The following PRKAR2B variants were observed in gnomAD, a reference collection of about 807,000 sequenced individuals.
PRKAR2B encodes cAMP-dependent protein kinase type II-beta regulatory subunit.
A neutral mutation model predicts 49.9 loss-of-function variants in PRKAR2B; 14 were observed. That is an observed-to-expected ratio of 0.28 (90% CI 0.19 to 0.44). The LOEUF is 0.44. PRKAR2B is among the 20% of genes least tolerant of loss of function. PRKAR2B has a pLI of 1.00. For missense variants in PRKAR2B, 393 were observed against 537.9 expected, an observed-to-expected ratio of 0.73 and a Z score of 2.67; for synonymous variants, 196 against 197.7, an observed-to-expected ratio of 0.99 and a Z score of 0.07.
At chr7:107,052,140 G>C (rs948071089) in intron 1 of PRKAR2B, among the ~76,000 whole-genome samples, 1 of 152,038 alleles carries the variant, frequency 6.6e-6, no homozygotes, top group East Asian at 1.9e-4. Flanking sequence ...CTTTTAGGCC[G>C]GGCACGGTGG....
chr7:107,138,821 C>T (rs989374562), intron 4 of PRKAR2B, among the ~76,000 whole-genome samples: 4 of 152,052 alleles, frequency 2.6e-5, no homozygotes, highest in Admixed American at 6.6e-5. Context: ...GTAGCTGAGA[C>T]GACAAGTGTG....
In PRKAR2B at chr7:107,065,322, A is replaced by ATGTGTG. The variant is rs71134248; in HGVS notation, c.308-4909_308-4904dup. Among the ~76,000 whole-genome samples the ATGTGTG allele has an allele frequency of 2.6e-3, 381 of 143,882 alleles. 1 individual carries two copies. Among genetic ancestry groups the ATGTGTG allele is most frequent in the East Asian group, 4.8e-3 (23 of 4,778 alleles). 94.4% of individuals were successfully genotyped at this position (143,882 alleles called of 152,430 possible). On this transcript the variant is annotated intron_variant, in intron 1 of 10. Transcript: ENST00000265717. ...ATTTTTGTTTGCTCGGGGTGTGTGT[A>ATGTGTG]TGTGTGTGTGTGTGTGTGTGTGTGT... is the stretch of plus-strand genomic sequence containing the variant.
intron 1 of PRKAR2B, among the ~76,000 whole-genome samples, chr7:107,062,100 C>T (rs1423288148): frequency 6.6e-6 from 1 of 152,086 alleles, no homozygotes; most frequent in Non-Finnish European, 1.5e-5. Flanking sequence ...GTGATATAAA[C>T]ACTTAGGAAA....
chr7:107,159,619 T>G lies in PRKAR2B; in HGVS notation c.*37T>G. ...GGAGCAAGACCTGTAGTGACAAAAT[T>G]ACACAGTAGTGGTTAGTCCACTGAG... is the stretch of plus-strand genomic sequence containing the variant. On this transcript the variant is annotated 3_prime_UTR_variant, in exon 11 of 11. Coordinates refer to ENST00000265717, the MANE Select transcript of PRKAR2B (RefSeq NM_002736.3). The G allele has an allele frequency of 6.2e-7, 1 of 1,609,058 alleles. No homozygotes were observed. The highest frequency in any genetic ancestry group is 1.3e-5 in the African/African-American group (1 of 74,942).
At chr7:107,109,403 G>A (rs988058453) in intron 2 of PRKAR2B, among the ~76,000 whole-genome samples, 1 of 150,286 alleles carries the variant, frequency 6.7e-6, no homozygotes, top group South Asian at 2.1e-4. Context: ...GGGACTACAG[G>A]CAGGCACCAC....
intron 6 of PRKAR2B, among the ~76,000 whole-genome samples, chr7:107,148,037 C>G (rs1188759639): frequency 6.6e-6 from 1 of 152,114 alleles, no homozygotes; most frequent in Non-Finnish European, 1.5e-5. Flanking sequence ...TGATGAGTCA[C>G]TTTTTTAAGG....
At chr7:107,057,985 C>T (rs1355330998) in intron 1 of PRKAR2B, among the ~76,000 whole-genome samples, 5 of 151,320 alleles carry the variant, frequency 3.3e-5, no homozygotes, top group African/African-American at 1.2e-4. Flanking sequence ...TTTTTAAAAA[C>T]TTGCAGTTCT....
chr7:107,126,986 A>G (rs1226481117), intron 3 of PRKAR2B, among the ~76,000 whole-genome samples: 1 of 152,236 alleles, frequency 6.6e-6, no homozygotes, highest in Non-Finnish European at 1.5e-5. Flanking sequence ...TAGTCTTTAC[A>G]TAATGCAAAT....
intron 1 of PRKAR2B, among the ~76,000 whole-genome samples, chr7:107,058,636 C>A (rs1305158596): frequency 6.6e-6 from 1 of 152,124 alleles, no homozygotes; most frequent in Non-Finnish European, 1.5e-5. Context: ...ACTTTTGATG[C>A]ATAATAATTC....
At chr7:107,059,024 G>A (rs866852171) in intron 1 of PRKAR2B, among the ~76,000 whole-genome samples, 1 of 152,052 alleles carries the variant, frequency 6.6e-6, no homozygotes, top group Non-Finnish European at 1.5e-5. Flanking sequence ...GGTGGCTCAC[G>A]CCTGTATTCC....
intron 1 of PRKAR2B, among the ~76,000 whole-genome samples, chr7:107,063,034 C>T (rs1794057107): frequency 6.6e-6 from 1 of 152,068 alleles, no homozygotes; most frequent in Non-Finnish European, 1.5e-5. Context: ...AACTGTGTCT[C>T]ACTCTGTCAC....
At chr7:107,110,483 T>G (rs1795150720) in intron 2 of PRKAR2B, among the ~76,000 whole-genome samples, 1 of 151,790 alleles carries the variant, frequency 6.6e-6, no homozygotes, top group South Asian at 2.1e-4. Flanking sequence ...GCTTCATAGC[T>G]TGCAGCTCCA....
At chr7:107,122,319 A>G (rs1179094225) in intron 3 of PRKAR2B, among the ~76,000 whole-genome samples, 1 of 152,204 alleles carries the variant, frequency 6.6e-6, no homozygotes, top group Non-Finnish European at 1.5e-5. Context: ...ACTGGGAAAG[A>G]CCTTCTACGC....
chr7:107,115,604 A>T (rs1562861773), intron 2 of PRKAR2B, among the ~76,000 whole-genome samples: 1 of 152,178 alleles, frequency 6.6e-6, no homozygotes, highest in Non-Finnish European at 1.5e-5. Flanking sequence ...ACCTATTTTT[A>T]TGTAAATGGT....
At position 107,044,813 on chromosome 7, in the gene PRKAR2B, G is replaced by A. The variant is rs1793655348; in HGVS notation, c.-95G>A. 4 of 1,037,044 alleles carry A rather than the reference G, an allele frequency of 3.9e-6. No homozygotes were observed. The South Asian group carries it at 1.5e-4, about 38-fold the overall frequency. The allele number at this position is 1,037,044 out of a possible 1,614,324, so 64.2% of individuals were successfully genotyped here. A position where few individuals can be genotyped will look rare whatever the true frequency, so the allele number is the denominator to read the frequency against. ...CGCGCTCGCAGCCGGTAGCGCGCCA[G>A]CGCCGTAGGCGCTCGCTCGGCAGCC... On this transcript the variant is annotated 5_prime_UTR_variant, in exon 1 of 11. Transcript: ENST00000265717.
chr7:107,161,147 C>T lies in PRKAR2B; in HGVS notation c.*1565C>T, dbSNP rs1157866221. On this transcript the variant is annotated 3_prime_UTR_variant, in exon 11 of 11. Coordinates refer to ENST00000265717, the MANE Select transcript of PRKAR2B (RefSeq NM_002736.3). ...AGTTAAAGTATGTAAAGTATAACTT[C>T]AGCCACATTTTTAGAACACTGTTTA... 3 of 152,158 alleles carry T rather than the reference C, an allele frequency of 2.0e-5. No homozygotes were observed. The highest frequency in any genetic ancestry group is 7.2e-5 in the African/African-American group (3 of 41,432). 9.4% of individuals were successfully genotyped at this position (152,158 alleles called of 1,614,324 possible). A position where few individuals can be genotyped will look rare whatever the true frequency, so the allele number is the denominator to read the frequency against.
At chr7:107,071,407 C>T (rs1362192433) in intron 2 of PRKAR2B, among the ~76,000 whole-genome samples, 3 of 152,176 alleles carry the variant, frequency 2.0e-5, no homozygotes, top group Admixed American at 6.5e-5. Flanking sequence ...ATAACATCTA[C>T]TTTATCATTC....
At chr7:107,075,024 ATTTTC>A (rs1463309817) in intron 2 of PRKAR2B, among the ~76,000 whole-genome samples, 2 of 150,880 alleles carry the variant, frequency 1.3e-5, no homozygotes, top group Non-Finnish European at 3.0e-5. Flanking sequence ...AATTTTATTT[ATTTTC>A]TTTTCTTTCA....
chr7:107,046,634 A>T (rs1017517494), intron 1 of PRKAR2B, among the ~76,000 whole-genome samples: 1 of 152,188 alleles, frequency 6.6e-6, no homozygotes, highest in African/African-American at 2.4e-5. Flanking sequence ...AGCTTTTCCT[A>T]CCAGAAACGA....
Sources: gnomAD v4.1 joint callset for allele counts (sites outside exome capture counted in the v4.1 genomes callset) on GRCh38, gnomAD v4.1.1 for gene constraint, MANE v1.5 for transcripts, NCBI Gene and HGNC (gene_info 2026-07-23, HGNC 2026-07-21) for gene names.